The following RASGEF1A variants were observed in gnomAD, a reference collection of about 807,000 sequenced individuals.
RASGEF1A encodes the protein ras-GEF domain-containing family member 1A.
A neutral mutation model predicts 56.4 loss-of-function variants in RASGEF1A; 18 were observed. The ratio of observed to expected loss-of-function variants is 0.32; its 90% CI spans 0.22 to 0.47. RASGEF1A has a LOEUF of 0.47. RASGEF1A is among the 20% of genes least tolerant of loss of function. The pLI, the probability that RASGEF1A is intolerant of heterozygous loss-of-function variation, is 1.00. For missense variants in RASGEF1A, 422 were observed against 627.1 expected (o/e 0.67, Z 3.49); for synonymous variants, 245 against 242.6 (o/e 1.01, Z -0.09).
At chr10:43,244,241 A>AGGGAATTCTCAAATTT (rs1554828593) in intron 1 of RASGEF1A, among the ~76,000 whole-genome samples, 102 of 151,818 alleles carry the variant, frequency 6.7e-4, no homozygotes, top group South Asian at 2.1e-3. Context: ...CAGGGACACA[A>AGGGAATTCTCAAATTT]ACAGGGCCGA....
intron 1 of RASGEF1A, chr10:43,208,729 G>A: frequency 1.0e-6 from 1 of 985,580 alleles, no homozygotes; most frequent in African/African-American, 1.7e-5. Context: ...TGCAGGTCTG[G>A]GGGATGCCCC....
chr10:43,241,151 G>A (rs1226518636), intron 1 of RASGEF1A, among the ~76,000 whole-genome samples: 1 of 152,082 alleles, frequency 6.6e-6, no homozygotes. Flanking sequence ...ACCATTAAAG[G>A]TAACTTTACT....
intron 1 of RASGEF1A, among the ~76,000 whole-genome samples, chr10:43,243,272 G>A (rs1211117305): frequency 6.6e-6 from 1 of 150,672 alleles, no homozygotes; most frequent in Non-Finnish European, 1.5e-5. Context: ...CCCATCGTCT[G>A]GGATGTGAGG....
At chr10:43,236,073 A>G (rs2503850) in intron 1 of RASGEF1A, among the ~76,000 whole-genome samples, 104,850 of 152,172 alleles carry the variant, frequency 0.69, 36,320 homozygotes, top group East Asian at 0.86. Flanking sequence ...ACCCAGCCAG[A>G]AGCAAACTAC....
At chr10:43,241,202 T>C (rs750421857) in intron 1 of RASGEF1A, among the ~76,000 whole-genome samples, 4 of 152,234 alleles carry the variant, frequency 2.6e-5, no homozygotes, top group Non-Finnish European at 5.9e-5. Flanking sequence ...ATATAAAAGA[T>C]AGTATAAACA....
chr10:43,251,494 C>T (rs1029185548), intron 1 of RASGEF1A, among the ~76,000 whole-genome samples: 2 of 152,174 alleles, frequency 1.3e-5, no homozygotes, highest in African/African-American at 4.8e-5. Context: ...AAAAGCCACA[C>T]AGATTGATTT....
intron 1 of RASGEF1A, among the ~76,000 whole-genome samples, chr10:43,243,738 C>T (rs1227880933): frequency 7.4e-5 from 11 of 149,514 alleles, no homozygotes; most frequent in African/African-American, 7.4e-5. Flanking sequence ...CGCCTCTGCC[C>T]GGCCGCCCCA....
chr10:43,242,463 T>C (rs571679670), intron 1 of RASGEF1A, among the ~76,000 whole-genome samples: 101 of 152,234 alleles, frequency 6.6e-4, no homozygotes, highest in African/African-American at 2.3e-3. Context: ...ACAAAAACTC[T>C]AGACAGTAGG....
In RASGEF1A at chr10:43,224,910, A is replaced by C. The variant is rs117100243; in HGVS notation, c.-6-18788T>G. On this transcript the variant is annotated intron_variant, in intron 1 of 12. Transcript: ENST00000395810. ...ATTACCTAACATAAACTTTTAAAAA[A>C]TCAATAGCTTACTTATCTACCTCCC... Among the ~76,000 whole-genome samples the C allele has an allele frequency of 8.8e-3, 1,345 of 152,352 alleles. 11 individuals carry two copies. Among genetic ancestry groups the C allele is most frequent in the Admixed American group, 0.013 (203 of 15,300 alleles).
At chr10:43,205,822 G>A in intron 2 of RASGEF1A, 97 bp downstream of exon 2, 2 of 1,030,376 alleles carry the variant, frequency 1.9e-6, no homozygotes, top group South Asian at 1.5e-5. Flanking sequence ...GCCCTGTCCA[G>A]CTCTACCACT....
At chr10:43,203,189 C>T (rs568199274) in intron 3 of RASGEF1A, 109 bp downstream of exon 3, 1 of 1,124,408 alleles carries the variant, frequency 8.9e-7, no homozygotes, top group Non-Finnish European at 1.2e-6. Context: ...TAGCCCTGAC[C>T]CCATCCCCCA....
intron 1 of RASGEF1A, among the ~76,000 whole-genome samples, chr10:43,261,034 T>C (rs1382070551): frequency 1.3e-5 from 2 of 152,072 alleles, no homozygotes; most frequent in Admixed American, 6.5e-5. Flanking sequence ...CCCACCAGGC[T>C]TGGTGGGTGC....
intron 1 of RASGEF1A, among the ~76,000 whole-genome samples, chr10:43,219,230 G>T (rs1306812534): frequency 6.6e-6 from 1 of 152,222 alleles, no homozygotes; most frequent in Non-Finnish European, 1.5e-5. Flanking sequence ...TTCTGCAGGG[G>T]TAACGAGAGC....
At chr10:43,257,636 G>A (rs117434949) in intron 1 of RASGEF1A, among the ~76,000 whole-genome samples, 10 of 152,214 alleles carry the variant, frequency 6.6e-5, no homozygotes, top group Non-Finnish European at 1.2e-4. Flanking sequence ...TGCACACAGC[G>A]ATGGGCAACA....
intron 1 of RASGEF1A, among the ~76,000 whole-genome samples, chr10:43,225,789 C>T (rs953988624): frequency 2.0e-5 from 3 of 152,268 alleles, no homozygotes; most frequent in East Asian, 1.9e-4. Context: ...GTTTTAAGGA[C>T]ATCTGTTGTA....
chr10:43,232,346 C>T (rs1190493034), intron 1 of RASGEF1A, among the ~76,000 whole-genome samples: 1 of 152,200 alleles, frequency 6.6e-6, no homozygotes, highest in Non-Finnish European at 1.5e-5. Flanking sequence ...TGTGAGACAC[C>T]TGCTCCAACT....
At chr10:43,197,933 GGCT>G in intron 10 of RASGEF1A, 68 bp downstream of exon 10, 1 of 1,379,450 alleles carries the variant, frequency 7.2e-7, no homozygotes, top group Non-Finnish European at 1.0e-6. Context: ...CCCGACCCAG[GGCT>G]AATGCCTGGC....
At chr10:43,234,113 C>T (rs1291724734) in intron 1 of RASGEF1A, among the ~76,000 whole-genome samples, 2 of 152,158 alleles carry the variant, frequency 1.3e-5, no homozygotes, top group Non-Finnish European at 2.9e-5. Flanking sequence ...GGTGTCCCTG[C>T]GGAGTCACCC....
rs996943455 is a variant in RASGEF1A, at chr10:43,229,595, C to A, written c.-6-23473G>T. On this transcript the variant is annotated intron_variant, in intron 1 of 12. Coordinates refer to ENST00000395810, the MANE Select transcript of RASGEF1A (RefSeq NM_145313.4). The stretch of plus-strand genomic sequence containing the variant: ...CCTCCCGAGCCCGACAGCGCAAGAA[C>A]CCTGCCCCGCGGCCTTGCGCCTGGG... 3.4e-6 allele frequency: 5 copies of A among 1,461,574 alleles called. No individual in the cohort carries two copies. The African/African-American group carries it at 7.4e-5, about 22-fold the overall frequency. The allele number at this position is 1,461,574 out of a possible 1,614,324, so 90.5% of individuals were successfully genotyped here. A position where few individuals can be genotyped will look rare whatever the true frequency, so the allele number is the denominator to read the frequency against.
Sources: gnomAD v4.1 joint callset for allele counts (sites outside exome capture counted in the v4.1 genomes callset) on GRCh38, gnomAD v4.1.1 for gene constraint, MANE v1.5 for transcripts, NCBI Gene and HGNC (gene_info 2026-07-23, HGNC 2026-07-21) for gene names.